STX8: variants seen among roughly 807,000 people sequenced by gnomAD.
The protein encoded by STX8 is syntaxin 8.
A neutral mutation model predicts 37.5 loss-of-function variants in STX8; 23 were observed. The ratio of observed to expected loss-of-function variants is 0.61; its 90% CI spans 0.44 to 0.87. The LOEUF (loss-of-function observed/expected upper bound fraction) is 0.87, where lower values mean the gene tolerates loss of function less well. Among genes scored for constraint, STX8 ranks in the 40% least tolerant of loss-of-function variants. The probability of loss-of-function intolerance (pLI) is 0.00; values close to 1 mark genes in which losing one functional copy is unlikely to be tolerated. For missense variants in STX8, 313 were observed against 284.7 expected, an observed-to-expected ratio of 1.10 and a Z score of -0.71; for synonymous variants, 115 against 99.1, an observed-to-expected ratio of 1.16 and a Z score of -0.95.
At chr17:9,328,585 T>C (rs1476237167) in intron 7 of STX8, among the ~76,000 whole-genome samples, 1 of 152,138 alleles carries the variant, frequency 6.6e-6, no homozygotes, top group African/African-American at 2.4e-5. Flanking sequence ...TGATCACGGG[T>C]GACAAACGCT....
chr17:9,546,270 C>G (rs1906502683), intron 3 of STX8, among the ~76,000 whole-genome samples: 1 of 152,162 alleles, frequency 6.6e-6, no homozygotes, highest in Admixed American at 6.5e-5. Flanking sequence ...AGTTGTAGCC[C>G]TATTCCACTA....
rs573078323 is a variant in STX8, at chr17:9,290,424, C to T, written c.644-39779G>A. ...GGTGTTAGAGACAGAAGAGAACACA[C>T]ATTCATTACACTCTCCTCTTGGCTG... On this transcript the variant is annotated intron_variant, in intron 7 of 7. Transcript: ENST00000306357. 1.1e-4 allele frequency among the ~76,000 whole-genome samples: 17 copies of T among 152,304 alleles called. No homozygotes were observed. The South Asian group carries it at 3.3e-3, about 30-fold the overall frequency.
chr17:9,273,868 C>G (rs759770884), intron 7 of STX8, among the ~76,000 whole-genome samples: 1 of 152,148 alleles, frequency 6.6e-6, no homozygotes, highest in Non-Finnish European at 1.5e-5. Context: ...GGCTCTGTTG[C>G]TGTCTAGTCT....
intron 7 of STX8, among the ~76,000 whole-genome samples, chr17:9,256,467 C>T (rs911231117): frequency 2.0e-5 from 3 of 152,150 alleles, no homozygotes; most frequent in Admixed American, 1.3e-4. Context: ...CCGAAGGGCA[C>T]GCAGAACAGT....
At chr17:9,450,368 G>A (rs1219103090) in intron 6 of STX8, among the ~76,000 whole-genome samples, 2 of 151,772 alleles carry the variant, frequency 1.3e-5, no homozygotes, top group African/African-American at 2.4e-5. Flanking sequence ...GAGCCACCAC[G>A]CCTGACCTTA....
chr17:9,552,006 AAGG>A (rs1356230673), intron 3 of STX8, among the ~76,000 whole-genome samples: 1 of 152,250 alleles, frequency 6.6e-6, no homozygotes, highest in African/African-American at 2.4e-5. Flanking sequence ...GTGAAAAAGC[AAGG>A]AGATTTTAAC....
intron 6 of STX8, among the ~76,000 whole-genome samples, chr17:9,449,336 G>A (rs923932202): frequency 4.6e-5 from 7 of 152,262 alleles, no homozygotes; most frequent in South Asian, 2.1e-4. Flanking sequence ...CAAGGCGAGC[G>A]GATCACGAGG....
chr17:9,425,934 C>T (rs938933823), intron 6 of STX8, among the ~76,000 whole-genome samples: 12 of 152,114 alleles, frequency 7.9e-5, no homozygotes, highest in African/African-American at 1.7e-4. Flanking sequence ...CGTATGCACG[C>T]GCACACACAC....
intron 7 of STX8, among the ~76,000 whole-genome samples, chr17:9,330,526 A>G (rs975071674): frequency 5.9e-5 from 9 of 152,202 alleles, no homozygotes; most frequent in African/African-American, 2.2e-4. Context: ...GGAACAAGAT[A>G]CACACTCTTC....
chr17:9,324,095 CTCTCTCTCTCTCTG>C (rs1376692390), intron 7 of STX8, among the ~76,000 whole-genome samples: 1 of 147,076 alleles, frequency 6.8e-6, no homozygotes, highest in East Asian at 2.0e-4. Flanking sequence ...CCCTCTCTCT[CTCTCTCTCTCTCTG>C]TCTCTCTCTC....
In STX8 at chr17:9,526,080, G is replaced by C. The variant is rs149566896; in HGVS notation, c.323+19092C>G. 2.0e-5 allele frequency among the ~76,000 whole-genome samples: 3 copies of C among 152,288 alleles called. No individual in the cohort carries two copies. The East Asian group carries it at 5.8e-4, about 29-fold the overall frequency. On this transcript the variant is annotated intron_variant, in intron 4 of 7. Coordinates refer to ENST00000306357, the MANE Select transcript of STX8 (RefSeq NM_004853.3). ...CTACGAACAGGGTAATACTGTCCCT[G>C]CAAGTGTGAAAGACGAAGTATTCAA...
At chr17:9,566,954 G>A (rs1298603251) in intron 2 of STX8, among the ~76,000 whole-genome samples, 1 of 152,118 alleles carries the variant, frequency 6.6e-6, no homozygotes, top group African/African-American at 2.4e-5. Flanking sequence ...AAAAAAGATC[G>A]AGATCATGTC....
intron 7 of STX8, among the ~76,000 whole-genome samples, chr17:9,305,077 T>C (rs1042327883): frequency 2.6e-5 from 4 of 151,822 alleles, no homozygotes; most frequent in Non-Finnish European, 4.4e-5. Context: ...ATAAATTACA[T>C]GAGATATTAA....
intron 6 of STX8, among the ~76,000 whole-genome samples, chr17:9,465,760 G>A (rs1905586151): frequency 6.6e-6 from 1 of 152,052 alleles, no homozygotes; most frequent in South Asian, 2.1e-4. Flanking sequence ...ACTGAAGCCA[G>A]GGCAGCCACT....
intron 4 of STX8, among the ~76,000 whole-genome samples, chr17:9,533,375 G>T (rs927002221): frequency 6.6e-6 from 1 of 152,194 alleles, no homozygotes; most frequent in African/African-American, 2.4e-5. Flanking sequence ...GCTGAGGCAG[G>T]AGAATCACTG....
At chr17:9,439,765 A>T (rs1000613139) in intron 6 of STX8, among the ~76,000 whole-genome samples, 1 of 152,018 alleles carries the variant, frequency 6.6e-6, no homozygotes, top group Non-Finnish European at 1.5e-5. Flanking sequence ...AAGTGCTGGG[A>T]TTACAGGCGT....
At chr17:9,343,123 C>G (rs576355285) in intron 7 of STX8, among the ~76,000 whole-genome samples, 10 of 151,954 alleles carry the variant, frequency 6.6e-5, no homozygotes, top group Non-Finnish European at 1.3e-4. Flanking sequence ...AAAACATGCC[C>G]CAAGAGGATC....
chr17:9,378,072 T>C (rs1441277078), intron 7 of STX8: 2 of 155,936 alleles, frequency 1.3e-5, no homozygotes, highest in African/African-American at 2.4e-5. Flanking sequence ...GATCAGTATT[T>C]TAAGCAAGCC....
At position 9,561,575 on chromosome 17, in the gene STX8, C is replaced by T. The variant is rs948787527; in HGVS notation, c.118-4047G>A. Among the ~76,000 whole-genome samples, 9 of 145,428 alleles carry T rather than the reference C, an allele frequency of 6.2e-5. No individual in the cohort carries two copies. In the East Asian group the frequency reaches 1.9e-3, roughly 30 times the overall value. On this transcript the variant is annotated intron_variant, in intron 2 of 7. Transcript: ENST00000306357. ...TTGGGACGCTGTGGCAGGAGAATCG[C>T]TTGAACCTGGGAGGCTCGGAGGTTG...
Sources: allele counts gnomAD v4.1 joint callset (sites outside exome capture counted in the v4.1 genomes callset), GRCh38; gene constraint gnomAD v4.1.1; transcripts MANE v1.5; gene names NCBI Gene and HGNC (gene_info 2026-07-23, HGNC 2026-07-21).